The following ZNF423 variants were observed in gnomAD, a reference collection of about 807,000 sequenced individuals.
ZNF423 encodes Ebf-associated zinc finger protein.
In ZNF423, 12 loss-of-function variants were observed where a neutral mutation model predicts 95.8. The observed-to-expected ratio is 0.13, with a 90% CI of 0.08 to 0.20. The LOEUF is 0.20. Ranked by LOEUF, ZNF423 falls within the 10% of genes least tolerant of loss-of-function variation. The pLI is 1.00. For missense variants in ZNF423, 1,316 were observed against 1,737.1 expected, an observed-to-expected ratio of 0.76 and a Z score of 4.31; for synonymous variants, 749 against 711.9, an observed-to-expected ratio of 1.05 and a Z score of -0.83.
chr16:49,743,278 C>A (rs1298804454), intron 2 of ZNF423, among the ~76,000 whole-genome samples: 1 of 152,212 alleles, frequency 6.6e-6, no homozygotes, highest in Non-Finnish European at 1.5e-5. Flanking sequence ...TCTGCACCCC[C>A]ACAGGGTCAG....
chr16:49,587,969 C>G (rs78038373), intron 5 of ZNF423, among the ~76,000 whole-genome samples: 2,213 of 152,290 alleles, frequency 0.015, 29 homozygotes, highest in Non-Finnish European at 0.023. Context: ...GCAATCACTT[C>G]CTAACCCATT....
intron 5 of ZNF423, among the ~76,000 whole-genome samples, chr16:49,535,187 A>G (rs1209301400): frequency 3.3e-5 from 5 of 152,334 alleles, no homozygotes; most frequent in African/African-American, 1.2e-4. Context: ...ATCGGGGCCC[A>G]GCCTGGATGG....
At chr16:49,531,272 T>C (rs1968834470) in intron 5 of ZNF423, among the ~76,000 whole-genome samples, 1 of 150,372 alleles carries the variant, frequency 6.7e-6, no homozygotes, top group Non-Finnish European at 1.5e-5. Context: ...AGGGACAGCC[T>C]GCGGCCTGCG....
rs556480830 is a variant in ZNF423 at position 49,692,325 on chromosome 16, T to A, written c.301+38446A>T. Among the ~76,000 whole-genome samples the A allele has an allele frequency of 8.5e-5, 13 of 152,132 alleles. No individual in the cohort carries two copies. The South Asian group carries it at 1.5e-3, about 17-fold the overall frequency. ...CCATGGGCTATAAGGGGGAAAACGA[T>A]GAGGCTTTCTCCTTCCCCACTCCTC... is the stretch of plus-strand genomic sequence containing the variant. On this transcript the variant is annotated intron_variant, in intron 3 of 7. Coordinates refer to ENST00000563137, the MANE Select transcript of ZNF423 (RefSeq NM_001379286.1).
intron 7 of ZNF423, among the ~76,000 whole-genome samples, chr16:49,517,291 A>G (rs1968186105): frequency 6.6e-6 from 1 of 152,206 alleles, no homozygotes; most frequent in Admixed American, 6.5e-5. Context: ...ATGACTATCC[A>G]GGACCAAAAC....
At chr16:49,768,921 G>A (rs552454851) in intron 2 of ZNF423, among the ~76,000 whole-genome samples, 2 of 152,168 alleles carry the variant, frequency 1.3e-5, no homozygotes, top group East Asian at 1.9e-4. Context: ...GCTGCCCTAC[G>A]CCCTGACAAC....
Position 49,789,539 on chromosome 16 carries a change from C to A in ZNF423, c.48G>T (p.Glu16Asp). The A allele has an allele frequency of 6.8e-6, 11 of 1,612,046 alleles. No homozygotes were observed. Among genetic ancestry groups the A allele is most frequent in the South Asian group, 1.1e-5 (1 of 90,766 alleles). ...QAKPRSVKVE[E>D]GEASDFSLAW... ...CCAGCGAGAAGTCTGAGGCCTCCCC[C>A]TCTTCAACTGAAAGAGAGAACAGAG... The change falls in exon 2 of 8, where the codon GAG (glutamate) becomes GAT (aspartate). Residue 16 changes from glutamate (E) to aspartate (D), a missense_variant. By Grantham distance (45) the Glu-to-Asp change is conservative. Transcript: ENST00000563137.
chr16:49,774,866 G>A (rs181965294), intron 2 of ZNF423, among the ~76,000 whole-genome samples: 4 of 152,284 alleles, frequency 2.6e-5, no homozygotes, highest in African/African-American at 7.2e-5. Flanking sequence ...CAAAAAAAGG[G>A]ATGAAGGACA....
At chr16:49,777,197 G>T (rs2034135881) in intron 2 of ZNF423, among the ~76,000 whole-genome samples, 1 of 152,238 alleles carries the variant, frequency 6.6e-6, no homozygotes, top group Non-Finnish European at 1.5e-5. Context: ...GAACATGTAT[G>T]TGAAGGCCCA....
intron 7 of ZNF423, among the ~76,000 whole-genome samples, chr16:49,513,689 A>C (rs1967998343): frequency 6.6e-6 from 1 of 151,218 alleles, no homozygotes; most frequent in Non-Finnish European, 1.5e-5. Flanking sequence ...ACGGATGGCA[A>C]AGGGTGTCTT....
chr16:49,806,072 CTCTGCATGG>C (rs1210351721), intron 1 of ZNF423, among the ~76,000 whole-genome samples: 1 of 152,278 alleles, frequency 6.6e-6, no homozygotes, highest in Non-Finnish European at 1.5e-5. Flanking sequence ...ATACAGTCAT[CTCTGCATGG>C]TCTCGTTAAC....
chr16:49,681,682 C>T (rs1352565895), intron 3 of ZNF423, among the ~76,000 whole-genome samples: 1 of 152,240 alleles, frequency 6.6e-6, no homozygotes, highest in Non-Finnish European at 1.5e-5. Flanking sequence ...CCCACAGCCT[C>T]GGCCACTCCC....
At chr16:49,616,572 T>C (rs1971882726) in intron 5 of ZNF423, among the ~76,000 whole-genome samples, 2 of 152,144 alleles carry the variant, frequency 1.3e-5, no homozygotes, top group African/African-American at 4.8e-5. Context: ...CATGCCTGTA[T>C]CGAAAGATCT....
At chr16:49,570,425 A>T (rs1034574820) in intron 5 of ZNF423, among the ~76,000 whole-genome samples, 34 of 152,274 alleles carry the variant, frequency 2.2e-4, no homozygotes, top group Admixed American at 7.2e-4. Context: ...TAAAGCCCAT[A>T]ATGGTTCCAA....
Position 49,687,779 on chromosome 16 carries a change from C to T in ZNF423, c.301+42992G>A, listed in dbSNP as rs1461701574. ...TGTTTCCACAGCCAGCACCAGTTCC[C>T]GACAAACTCGTGCCTTTCATTTCCC... On this transcript the variant is annotated intron_variant, in intron 3 of 7. Transcript: ENST00000563137. Among the ~76,000 whole-genome samples the T allele has an allele frequency of 2.6e-5, 4 of 152,190 alleles. No homozygotes were observed. The East Asian group carries it at 5.8e-4, about 22-fold the overall frequency.
At chr16:49,803,153 G>C (rs925944403) in intron 1 of ZNF423, among the ~76,000 whole-genome samples, 5 of 152,312 alleles carry the variant, frequency 3.3e-5, no homozygotes, top group Non-Finnish European at 7.3e-5. Flanking sequence ...CAGCTACTCA[G>C]GAGGCTGAGG....
chr16:49,512,731 C>T (rs1184639470), intron 7 of ZNF423, among the ~76,000 whole-genome samples: 2 of 152,180 alleles, frequency 1.3e-5, no homozygotes, highest in East Asian at 3.8e-4. Flanking sequence ...CACAACAACC[C>T]GAGGCAGCAG....
chr16:49,566,123 T>C (rs560579615), intron 5 of ZNF423, among the ~76,000 whole-genome samples: 316 of 152,264 alleles, frequency 2.1e-3, no homozygotes, highest in Non-Finnish European at 4.1e-3. Flanking sequence ...GTTGACTCCT[T>C]ACCCCCAGAC....
In ZNF423 at chr16:49,686,677, T is replaced by C. The variant is rs78611528; in HGVS notation, c.301+44094A>G. 3.4e-3 allele frequency among the ~76,000 whole-genome samples: 521 copies of C among 152,234 alleles called. 4 individuals carry two copies. Among genetic ancestry groups the C allele is most frequent in the African/African-American group, 0.012 (508 of 41,530 alleles). ...CTGCCAGGCTTCCTACCTACCTTAC[T>C]ATCACTGTCCCCTGACCAAGGCAGA... On this transcript the variant is annotated intron_variant, in intron 3 of 7. Transcript: ENST00000563137.
Sources: allele counts gnomAD v4.1 joint callset (sites outside exome capture counted in the v4.1 genomes callset), GRCh38; gene constraint gnomAD v4.1.1; transcripts MANE v1.5; gene names NCBI Gene and HGNC (gene_info 2026-07-23, HGNC 2026-07-21).